Variants in NOL4L observed in about 807,000 individuals in gnomAD.
NOL4L encodes the protein nucleolar protein 4-like.
NOL4L carries 7 observed loss-of-function variants against 64.5 expected under a neutral mutation model. That is an observed-to-expected ratio of 0.11 (90% confidence interval 0.06 to 0.20). The LOEUF (loss-of-function observed/expected upper bound fraction) is 0.20, where lower values mean the gene tolerates loss of function less well. Ranked by LOEUF, NOL4L falls within the 10% of genes least tolerant of loss-of-function variation. The pLI is 1.00. For missense variants in NOL4L, 680 were observed against 967.1 expected (o/e 0.70, Z 3.94); for synonymous variants, 413 against 401.0 (o/e 1.03, Z -0.36).
Position 32,584,103 on chromosome 20 carries a change from C to CA in NOL4L, c.321+466_321+467insT, listed in dbSNP as rs1456326751. ...GGCTGCCCCTGCCTCCCTCCCCCCC[C>CA]CCCACCCCGCGGCACCACCCTCCGC... On this transcript the variant is annotated intron_variant, in intron 1 of 10. Transcript: ENST00000621426. 2.8e-3 allele frequency among the ~76,000 whole-genome samples: 393 copies of CA among 141,632 alleles called. 6 individuals carry two copies. The highest frequency in any genetic ancestry group is 4.8e-3 in the Non-Finnish European group (305 of 63,176). 92.9% of individuals were successfully genotyped at this position (141,632 alleles called of 152,430 possible). A position where few individuals can be genotyped will look rare whatever the true frequency, so the allele number is the denominator to read the frequency against.
intron 1 of NOL4L, among the ~76,000 whole-genome samples, chr20:32,563,608 G>A (rs181318482): frequency 2.0e-5 from 3 of 152,152 alleles, no homozygotes; most frequent in Admixed American, 6.5e-5. Context: ...CAGGCCCAAG[G>A]CAATGGCAGT....
At chr20:32,580,506 G>C (rs1980399720) in intron 1 of NOL4L, among the ~76,000 whole-genome samples, 1 of 152,198 alleles carries the variant, frequency 6.6e-6, no homozygotes, top group Admixed American at 6.5e-5. Flanking sequence ...AATGAACGTT[G>C]TTGCAAACTG....
chr20:32,524,235 A>G (rs777378719), intron 2 of NOL4L, among the ~76,000 whole-genome samples: 2 of 152,120 alleles, frequency 1.3e-5, no homozygotes, highest in Non-Finnish European at 2.9e-5. Context: ...GCCTTCCTCA[A>G]ACCCTGGTGC....
At chr20:32,503,249 T>C (rs1303424800) in intron 4 of NOL4L, among the ~76,000 whole-genome samples, 1 of 152,180 alleles carries the variant, frequency 6.6e-6, no homozygotes, top group Admixed American at 6.5e-5. Context: ...CTATAGATTC[T>C]CAGATACTGA....
At position 32,456,318 on chromosome 20, in the gene NOL4L, C is replaced by T; in HGVS notation, c.919G>A (p.Asp307Asn). ...CCATTCATCTCGGGGAAGGCAGGGT[C>T]GCCCTGCGTGCTGCTCGACGTGGAT... ...NPSTSSSTQG[D>N]PAFPEMNGNG... Residue 307 changes from aspartate to asparagine, a missense_variant, in exon 6 of 11, where the codon GAC (aspartate) becomes AAC (asparagine). Asp to Asn is a conservative substitution (Grantham distance 23). Coordinates refer to ENST00000621426, the MANE Select transcript of NOL4L (RefSeq NM_001256798.2). 7.6e-6 allele frequency: 12 copies of T among 1,569,222 alleles called. No homozygotes were observed. The highest frequency in any genetic ancestry group is 1.0e-5 in the Non-Finnish European group (12 of 1,154,590).
chr20:32,474,780 C>A, intron 4 of NOL4L, 38 bp from the exon 5 acceptor site: 1 of 1,558,692 alleles, frequency 6.4e-7, no homozygotes, highest in South Asian at 1.2e-5. Context: ...TCAGCAGGGA[C>A]GGGCTCTCAT....
intron 4 of NOL4L, among the ~76,000 whole-genome samples, chr20:32,488,883 CT>C (rs770317306): frequency 1.9e-5 from 2 of 107,698 alleles, no homozygotes; most frequent in Non-Finnish European, 1.9e-5. Context: ...TTCTTTCTTT[CT>C]TTCTTTCTTT....
rs752236350 is a variant in NOL4L, at chr20:32,447,323, G to C, written c.*273C>G. On this transcript the variant is annotated 3_prime_UTR_variant, in exon 11 of 11. Transcript: ENST00000621426. ...AACAGAGCTGCAGCCCCAGCGCCTTGTCAGGGGAGCCCCCAACCCTTCCAG... is the reference window on the plus strand; with the variant it reads ...AACAGAGCTGCAGCCCCAGCGCCTTCTCAGGGGAGCCCCCAACCCTTCCAG... 70 of 621,558 alleles carry C rather than the reference G, an allele frequency of 1.1e-4. 1 individual carries two copies. The highest frequency in any genetic ancestry group is 1.9e-4 in the Non-Finnish European group (64 of 336,802). The allele number at this position is 621,558 out of a possible 1,614,324, so 38.5% of individuals were successfully genotyped here. A position where few individuals can be genotyped will look rare whatever the true frequency, so the allele number is the denominator to read the frequency against.
rs1050359056 is a variant in NOL4L at position 32,447,904 on chromosome 20, T to C, written c.1823-88A>G. The C allele has an allele frequency of 4.1e-6, 6 of 1,470,884 alleles. No homozygotes were observed. The African/African-American group carries it at 8.7e-5, about 21-fold the overall frequency. The allele number at this position is 1,470,884 out of a possible 1,614,324, so 91.1% of individuals were successfully genotyped here. A position where few individuals can be genotyped will look rare whatever the true frequency, so the allele number is the denominator to read the frequency against. ...CCTTCCTTGGCACTGTCATAACCTA[T>C]GGCCTAGTGCCCACTGTGAGTTGGG... On this transcript the variant is annotated intron_variant, in intron 10 of 10. Transcript: ENST00000621426.
In NOL4L at chr20:32,446,335, G is replaced by C. The variant is rs1600605799; in HGVS notation, c.*1261C>G. On this transcript the variant is annotated 3_prime_UTR_variant, in exon 11 of 11. Transcript: ENST00000621426. ...TCTTCCAGGACCGGCCCCTCCGGAA[G>C]GGCTGGTCTTAGGAGAACCCAAGTG... 1.3e-5 allele frequency: 2 copies of C among 152,394 alleles called. 1 individual carries two copies. The highest frequency in any genetic ancestry group is 4.1e-4 in the South Asian group (2 of 4,828). 9.4% of individuals were successfully genotyped at this position (152,394 alleles called of 1,614,324 possible).
chr20:32,553,063 G>A (rs568119720), intron 1 of NOL4L, among the ~76,000 whole-genome samples: 251 of 152,226 alleles, frequency 1.6e-3, no homozygotes, highest in Middle Eastern at 3.4e-3. Context: ...GCTCACAACC[G>A]TCCTCAGATT....
intron 1 of NOL4L, among the ~76,000 whole-genome samples, chr20:32,557,515 T>C (rs1335206118): frequency 6.6e-6 from 1 of 152,230 alleles, no homozygotes; most frequent in Non-Finnish European, 1.5e-5. Flanking sequence ...AGGCAGAGGA[T>C]GGCGGAGGGC....
chr20:32,574,840 C>T (rs2145623135), intron 1 of NOL4L, among the ~76,000 whole-genome samples: 1 of 152,206 alleles, frequency 6.6e-6, no homozygotes. Flanking sequence ...GCCTACCGGA[C>T]ACCCTTGGAT....
At chr20:32,489,656 T>G (rs1456353773) in intron 4 of NOL4L, among the ~76,000 whole-genome samples, 1 of 151,986 alleles carries the variant, frequency 6.6e-6, no homozygotes, top group African/African-American at 2.4e-5. Context: ...TTAAAATATG[T>G]TTTCTGGGCC....
At chr20:32,560,560 G>A (rs1057282787) in intron 1 of NOL4L, among the ~76,000 whole-genome samples, 14 of 152,238 alleles carry the variant, frequency 9.2e-5, no homozygotes, top group Non-Finnish European at 1.9e-4. Context: ...TATGTGGCAG[G>A]CACTGTGCCT....
chr20:32,488,821 CTTTCTTTT>C (rs1241148740), intron 4 of NOL4L, among the ~76,000 whole-genome samples: 1,235 of 31,080 alleles, frequency 0.04, 84 homozygotes, highest in Non-Finnish European at 0.047. Context: ...TTCTTTCTTT[CTTTCTTTT>C]TCTTTCTTTC....
intron 1 of NOL4L, among the ~76,000 whole-genome samples, chr20:32,531,578 C>T (rs1180087154): frequency 1.3e-5 from 2 of 152,120 alleles, no homozygotes; most frequent in Non-Finnish European, 2.9e-5. Context: ...ATCTGAAACT[C>T]CTGACCTCAG....
At chr20:32,534,196 A>G (rs774702795) in intron 1 of NOL4L, among the ~76,000 whole-genome samples, 100 of 152,308 alleles carry the variant, frequency 6.6e-4, no homozygotes, top group Non-Finnish European at 1.2e-3. Flanking sequence ...ACATTTCTCA[A>G]CTGGGTTTCT....
At chr20:32,576,642 G>T (rs112996892) in intron 1 of NOL4L, among the ~76,000 whole-genome samples, 1 of 152,120 alleles carries the variant, frequency 6.6e-6, no homozygotes, top group Non-Finnish European at 1.5e-5. Flanking sequence ...CTAGTGCTCC[G>T]GGATCCACAA....
Sources: allele counts gnomAD v4.1 joint callset (sites outside exome capture counted in the v4.1 genomes callset), GRCh38; gene constraint gnomAD v4.1.1; transcripts MANE v1.5; gene names NCBI Gene and HGNC (gene_info 2026-07-23, HGNC 2026-07-21).